The following NXPE2 variants were observed in gnomAD, a reference collection of about 807,000 sequenced individuals.
NXPE2 encodes the protein NXPE family member 2.
NXPE2 carries 34 observed loss-of-function variants against 34.4 expected under a neutral mutation model. The observed-to-expected ratio is 0.99, with a 90% CI of 0.75 to 1.31. The LOEUF (loss-of-function observed/expected upper bound fraction) is 1.31. Ranked by LOEUF, NXPE2 falls within the 40% of genes most tolerant of loss-of-function variation. The probability of loss-of-function intolerance (pLI) is 0.00; values close to 1 mark genes in which losing one functional copy is unlikely to be tolerated. For missense variants in NXPE2, 649 were observed against 672.5 expected, an observed-to-expected ratio of 0.97 and a Z score of 0.39; for synonymous variants, 235 against 231.3, an observed-to-expected ratio of 1.02 and a Z score of -0.15.
At chr11:114,707,377 TGAA>T, downstream of NXPE2, 1 of 401,002 alleles carries the variant, frequency 2.5e-6, no homozygotes, top group South Asian at 1.8e-5. Flanking sequence ...ATTACAGGCA[TGAA>T]CCACCATGCC....
At chr11:114,793,850 T>G in the NXPE2 span, among the ~76,000 whole-genome samples, 1 of 152,182 alleles carries the variant, frequency 6.6e-6, no homozygotes, top group South Asian at 2.1e-4. Context: ...TATCTCACCT[T>G]CACAGACCCA....
At chr11:114,492,837 C>T in the NXPE2 span, among the ~76,000 whole-genome samples, 1 of 152,156 alleles carries the variant, frequency 6.6e-6, no homozygotes, top group Non-Finnish European at 1.5e-5. Flanking sequence ...CTGCACCCAG[C>T]CTAAGTCCAA....
intron 2 of NXPE2, among the ~76,000 whole-genome samples, chr11:114,680,063 G>A (rs1445698265): frequency 6.6e-6 from 1 of 151,926 alleles, no homozygotes; most frequent in Non-Finnish European, 1.5e-5. Context: ...TCCTCCCTTG[G>A]CCTCTGAGAT....
At chr11:114,700,940 A>T (rs563988787) in intron 3 of NXPE2, among the ~76,000 whole-genome samples, 48 of 152,106 alleles carry the variant, frequency 3.2e-4, no homozygotes, top group Admixed American at 2.7e-3. Flanking sequence ...ATAGCACAAT[A>T]TCCTGGAAAT....
the NXPE2 span, among the ~76,000 whole-genome samples, chr11:114,586,368 A>G: frequency 6.6e-6 from 1 of 152,186 alleles, no homozygotes; most frequent in Non-Finnish European, 1.5e-5. Context: ...TCCGAGGAAG[A>G]TTCATAGAAG....
chr11:114,729,683 G>A, the NXPE2 span, among the ~76,000 whole-genome samples: 4 of 152,078 alleles, frequency 2.6e-5, no homozygotes, highest in Admixed American at 6.5e-5. Context: ...TTTCACATTC[G>A]TTGGCCATGT....
the NXPE2 span, among the ~76,000 whole-genome samples, chr11:114,808,117 C>A: frequency 2.0e-5 from 3 of 152,140 alleles, no homozygotes; most frequent in African/African-American, 7.2e-5. Context: ...GAAATGAAGG[C>A]AGAAATAAAG....
At chr11:114,618,469 T>TGC in the NXPE2 span, among the ~76,000 whole-genome samples, 6 of 152,060 alleles carry the variant, frequency 3.9e-5, no homozygotes, top group African/African-American at 1.4e-4. Context: ...TAACCACTGT[T>TGC]ATCCTGTGGA....
At chr11:114,718,688 C>T in the NXPE2 span, among the ~76,000 whole-genome samples, 4 of 152,036 alleles carry the variant, frequency 2.6e-5, no homozygotes, top group Non-Finnish European at 4.4e-5. Flanking sequence ...AAATATGGGA[C>T]AATTTGAGCA....
the NXPE2 span, among the ~76,000 whole-genome samples, chr11:114,475,268 G>A: frequency 3.2e-5 from 3 of 93,236 alleles, no homozygotes; most frequent in African/African-American, 1.2e-4. Context: ...TTTTGAGATG[G>A]AGTCTCGCTC....
chr11:114,795,707 G>A, the NXPE2 span, among the ~76,000 whole-genome samples: 4 of 152,182 alleles, frequency 2.6e-5, no homozygotes, highest in South Asian at 2.1e-4. Flanking sequence ...TGCCCTTGCT[G>A]GCAAATTGTT....
chr11:114,567,074 G>T, the NXPE2 span, among the ~76,000 whole-genome samples: 3,034 of 152,294 alleles, frequency 0.02, 46 homozygotes, highest in Non-Finnish European at 0.029. Context: ...TGGCCGTGCA[G>T]TAGGCTAGTG....
chr11:114,664,145 A>G, the NXPE2 span, among the ~76,000 whole-genome samples: 4 of 152,222 alleles, frequency 2.6e-5, no homozygotes, highest in African/African-American at 9.6e-5. Context: ...GACTAATTAA[A>G]CAAGCTGGGA....
At chr11:114,655,112 G>A in the NXPE2 span, among the ~76,000 whole-genome samples, 1,392 of 151,168 alleles carry the variant, frequency 9.2e-3, 20 homozygotes, top group African/African-American at 0.032. Context: ...TGTTTGCCAC[G>A]TAAATATCTT....
At chr11:114,484,502 GT>G in the NXPE2 span, among the ~76,000 whole-genome samples, 1 of 152,040 alleles carries the variant, frequency 6.6e-6, no homozygotes, top group South Asian at 2.1e-4. Context: ...TATCTTTTTT[GT>G]TGTCTACTCC....
the NXPE2 span, among the ~76,000 whole-genome samples, chr11:114,786,690 C>A: frequency 3.9e-5 from 6 of 152,080 alleles, no homozygotes; most frequent in African/African-American, 1.4e-4. Context: ...TCAGAAGAAA[C>A]ACCCATATCA....
chr11:114,666,408 T>A, the NXPE2 span, among the ~76,000 whole-genome samples: 1 of 152,138 alleles, frequency 6.6e-6, no homozygotes, highest in African/African-American at 2.4e-5. Context: ...AAAGGGAAAT[T>A]GATTAAAAAA....
chr11:114,559,380 C>G, the NXPE2 span, among the ~76,000 whole-genome samples: 1 of 152,184 alleles, frequency 6.6e-6, no homozygotes, highest in Non-Finnish European at 1.5e-5. Flanking sequence ...TCCACCCAAA[C>G]AATGTCATAC....
the NXPE2 span, among the ~76,000 whole-genome samples, chr11:114,488,552 A>G: frequency 6.6e-6 from 1 of 152,128 alleles, no homozygotes; most frequent in South Asian, 2.1e-4. Context: ...GGATTAAGAA[A>G]CTCACTCAAA....
Sources: gnomAD v4.1 joint callset for allele counts (sites outside exome capture counted in the v4.1 genomes callset) on GRCh38, gnomAD v4.1.1 for gene constraint, MANE v1.5 for transcripts, NCBI Gene and HGNC (gene_info 2026-07-23, HGNC 2026-07-21) for gene names.